Variants in DHX35 observed in about 807,000 individuals in gnomAD.
DHX35 encodes the protein DEAH-box helicase 35.
In DHX35, 84 loss-of-function variants were observed where a neutral mutation model predicts 99.6. That is an observed-to-expected ratio of 0.84 (90% CI 0.71 to 1.01). The LOEUF is 1.01. DHX35 is among the 50% of genes least tolerant of loss of function. The pLI, the probability that DHX35 is intolerant of heterozygous loss-of-function variation, is 0.00. For missense variants in DHX35, 852 were observed against 888.5 expected (o/e 0.96, Z 0.52); for synonymous variants, 331 against 316.2 (o/e 1.05, Z -0.50).
At chr20:38,983,479 A>G (rs2086204038) in intron 3 of DHX35, among the ~76,000 whole-genome samples, 1 of 152,192 alleles carries the variant, frequency 6.6e-6, no homozygotes, top group Admixed American at 6.5e-5. Context: ...ATTGCGCCTT[A>G]GTTCTTCTGT....
At chr20:39,032,674 A>G (rs2087075490) in intron 20 of DHX35, among the ~76,000 whole-genome samples, 1 of 152,158 alleles carries the variant, frequency 6.6e-6, no homozygotes, top group Admixed American at 6.5e-5. Flanking sequence ...CATCAGTATC[A>G]CCTGGAAACT....
At chr20:38,981,392 G>A (rs577756537) in intron 3 of DHX35, among the ~76,000 whole-genome samples, 59 of 152,022 alleles carry the variant, frequency 3.9e-4, no homozygotes, top group African/African-American at 1.2e-3. Flanking sequence ...GATTATTTGC[G>A]TGTATCAATA....
At chr20:39,014,620 C>T (rs1031734525) in intron 13 of DHX35, among the ~76,000 whole-genome samples, 7 of 151,960 alleles carry the variant, frequency 4.6e-5, no homozygotes, top group Admixed American at 2.0e-4. Context: ...GGACCTATCA[C>T]GTCTGATGGA....
intron 12 of DHX35, among the ~76,000 whole-genome samples, chr20:39,008,200 T>C (rs2086648927): frequency 2.0e-5 from 3 of 152,246 alleles, no homozygotes; most frequent in African/African-American, 7.2e-5. Flanking sequence ...CTTATCTACA[T>C]TGTAGCATGT....
At chr20:38,964,673 C>T (rs2145823794) in intron 1 of DHX35, among the ~76,000 whole-genome samples, 1 of 152,278 alleles carries the variant, frequency 6.6e-6, no homozygotes, top group South Asian at 2.1e-4. Context: ...CCGTGATCTG[C>T]CCACCTCGGC....
At chr20:38,989,068 G>T in intron 5 of DHX35, 151 bp downstream of exon 5, 2 of 696,216 alleles carry the variant, frequency 2.9e-6, no homozygotes, top group Non-Finnish European at 4.3e-6. Context: ...ACTTTAGTCA[G>T]CTAGGAGACA....
At chr20:39,015,046 C>A in intron 14 of DHX35, 112 bp downstream of exon 14, 1 of 1,213,338 alleles carries the variant, frequency 8.2e-7, no homozygotes, top group Non-Finnish European at 1.2e-6. Flanking sequence ...GATTGGTTCT[C>A]CCCATATATA....
chr20:38,977,923 A>G, intron 3 of DHX35: 2 of 597,944 alleles, frequency 3.3e-6, no homozygotes, highest in South Asian at 2.9e-5. Context: ...CTCATCATCA[A>G]AATCATCATC....
intron 13 of DHX35, among the ~76,000 whole-genome samples, chr20:39,012,853 T>G (rs1431605148): frequency 6.6e-6 from 1 of 152,280 alleles, no homozygotes; most frequent in African/African-American, 2.4e-5. Context: ...ATTAAATGAT[T>G]GAGTATAAAC....
At chr20:39,020,259 T>C (rs1230425669) in intron 15 of DHX35, among the ~76,000 whole-genome samples, 5 of 152,228 alleles carry the variant, frequency 3.3e-5, no homozygotes, top group Non-Finnish European at 7.3e-5. Flanking sequence ...CCTTTGCATA[T>C]ATACCTAGAA....
At chr20:38,996,429 C>T (rs949087971) in intron 8 of DHX35, among the ~76,000 whole-genome samples, 5 of 152,134 alleles carry the variant, frequency 3.3e-5, no homozygotes, top group Admixed American at 1.3e-4. Flanking sequence ...GGTCAGATGA[C>T]GGAAAGCCTT....
In DHX35 at chr20:38,992,095, T is replaced by TA. The variant is rs138266136; in HGVS notation, c.513-260dup. The stretch of plus-strand genomic sequence containing the variant: ...GGTTATGTTTTCATTTAAAATCAGA[T>TA]ATTAAATTCTGTTGGAATTCAGTGT... On this transcript the variant is annotated intron_variant, in intron 6 of 21. Coordinates refer to ENST00000252011, the MANE Select transcript of DHX35 (RefSeq NM_021931.4). 8.5e-3 allele frequency among the ~76,000 whole-genome samples: 1,302 copies of TA among 152,328 alleles called. 21 individuals carry two copies. Among genetic ancestry groups the TA allele is most frequent in the African/African-American group, 0.03 (1,241 of 41,556 alleles).
intron 7 of DHX35, among the ~76,000 whole-genome samples, chr20:38,993,347 T>A (rs1378964231): frequency 2.0e-5 from 3 of 152,238 alleles, no homozygotes; most frequent in Non-Finnish European, 4.4e-5. Context: ...TGGCTATTTT[T>A]CTTTTCTTCT....
chr20:39,026,437 T>G (rs905317143), intron 18 of DHX35, among the ~76,000 whole-genome samples: 1 of 152,148 alleles, frequency 6.6e-6, no homozygotes, highest in Non-Finnish European at 1.5e-5. Flanking sequence ...AAGGGAACAG[T>G]GTAATGAAGG....
chr20:39,025,688 A>T (rs2086946180), intron 18 of DHX35, among the ~76,000 whole-genome samples: 2 of 152,216 alleles, frequency 1.3e-5, no homozygotes, highest in Non-Finnish European at 2.9e-5. Flanking sequence ...TTACTTTTTG[A>T]TCAGTGATAT....
chr20:39,031,887 G>T (rs1006982256), intron 20 of DHX35, among the ~76,000 whole-genome samples: 1 of 152,210 alleles, frequency 6.6e-6, no homozygotes, highest in Non-Finnish European at 1.5e-5. Context: ...AACCTCATGC[G>T]TTTGGGAAGT....
At chr20:38,962,468 G>A (rs1407276859) in intron 1 of DHX35, 61 bp downstream of exon 1, 9 of 1,579,908 alleles carry the variant, frequency 5.7e-6, no homozygotes, top group East Asian at 4.7e-5. Flanking sequence ...TTGGCGCCGC[G>A]GCCGGCGCCC....
At chr20:39,001,889 C>T in intron 9 of DHX35, 47 bp downstream of exon 9, 1 of 1,415,304 alleles carries the variant, frequency 7.1e-7, no homozygotes, top group Non-Finnish European at 9.9e-7. Context: ...GAAAACTCAG[C>T]CTCTGATGTA....
intron 3 of DHX35, among the ~76,000 whole-genome samples, chr20:38,977,221 A>G (rs569806702): frequency 2.0e-5 from 3 of 152,300 alleles, no homozygotes; most frequent in East Asian, 1.9e-4. Flanking sequence ...ACAGTGTGCA[A>G]GAGTTCCCTT....
Sources: allele counts gnomAD v4.1 joint callset (sites outside exome capture counted in the v4.1 genomes callset), GRCh38; gene constraint gnomAD v4.1.1; transcripts MANE v1.5; gene names NCBI Gene and HGNC (gene_info 2026-07-23, HGNC 2026-07-21).